UBE2H: variants seen among roughly 807,000 people sequenced by gnomAD.
The protein encoded by UBE2H is ubiquitin-conjugating enzyme E2 H.
Under a neutral mutation model 29.0 loss-of-function variants are expected in UBE2H, and 3 were observed. That is an observed-to-expected ratio of 0.10 (90% confidence interval 0.05 to 0.27). UBE2H has a LOEUF of 0.27. Ranked by LOEUF, UBE2H falls within the 10% of genes least tolerant of loss-of-function variation. The pLI is 1.00. For missense variants in UBE2H, 68 were observed against 228.2 expected, an observed-to-expected ratio of 0.30 and a Z score of 4.52; for synonymous variants, 69 against 82.9, an observed-to-expected ratio of 0.83 and a Z score of 0.91.
intron 1 of UBE2H, among the ~76,000 whole-genome samples, chr7:129,891,133 CA>C (rs200458594): frequency 1.6e-4 from 24 of 146,062 alleles, no homozygotes; most frequent in Admixed American, 2.0e-4. Context: ...AAGACTCTCT[CA>C]AAAAAAAAAA....
intron 1 of UBE2H, among the ~76,000 whole-genome samples, chr7:129,943,488 C>T (rs1807688831): frequency 6.6e-6 from 1 of 152,206 alleles, no homozygotes; most frequent in South Asian, 2.1e-4. Flanking sequence ...AGCTAGAAAT[C>T]AATGCTTTAG....
At chr7:129,855,989 A>C (rs1356583940) in intron 5 of UBE2H, among the ~76,000 whole-genome samples, 1 of 152,180 alleles carries the variant, frequency 6.6e-6, no homozygotes, top group Non-Finnish European at 1.5e-5. Flanking sequence ...AGTAGCTGGG[A>C]AAGGAAACTG....
intron 1 of UBE2H, among the ~76,000 whole-genome samples, chr7:129,902,446 A>G (rs542299988): frequency 6.6e-6 from 1 of 152,348 alleles, no homozygotes; most frequent in East Asian, 1.9e-4. Flanking sequence ...GGTTGCAGTG[A>G]GCCGAGATGC....
chr7:129,947,210 T>C (rs1184880951), intron 1 of UBE2H, among the ~76,000 whole-genome samples: 1 of 152,242 alleles, frequency 6.6e-6, no homozygotes, highest in African/African-American at 2.4e-5. Context: ...CTGTGAATGC[T>C]TACTCATGTA....
rs537471039 is a variant in UBE2H at position 129,849,531 on chromosome 7, T to C, written c.298+7980A>G. On this transcript the variant is annotated intron_variant, in intron 5 of 6. Transcript: ENST00000355621. ...AGGCAGAGGTTGCAGTGAGCCAAGA[T>C]TGCACCACTGCACTCCAGCCTGAGT... 9.9e-5 allele frequency among the ~76,000 whole-genome samples: 15 copies of C among 152,140 alleles called. No homozygotes were observed. In the South Asian group the frequency reaches 1.2e-3, roughly 13 times the overall value.
chr7:129,902,669 T>A (rs921822505), intron 1 of UBE2H, among the ~76,000 whole-genome samples: 19 of 152,166 alleles, frequency 1.2e-4, no homozygotes, highest in African/African-American at 4.3e-4. Context: ...ATGAACACAC[T>A]GGACCCCAGT....
intron 1 of UBE2H, among the ~76,000 whole-genome samples, chr7:129,939,836 G>A (rs1343249425): frequency 6.6e-6 from 1 of 152,008 alleles, no homozygotes; most frequent in Non-Finnish European, 1.5e-5. Flanking sequence ...GCGCGTGCCT[G>A]TAATCCCAGC....
At chr7:129,855,124 T>C (rs998948091) in intron 5 of UBE2H, among the ~76,000 whole-genome samples, 4 of 152,248 alleles carry the variant, frequency 2.6e-5, no homozygotes, top group African/African-American at 9.6e-5. Flanking sequence ...TATTAAAAAC[T>C]ACTGAATTAC....
In UBE2H at chr7:129,835,004, C is replaced by T; in HGVS notation, c.485G>A (p.Gly162Glu). 5.0e-6 allele frequency: 8 copies of T among 1,614,064 alleles called. No individual in the cohort carries two copies. The highest frequency in any genetic ancestry group is 6.8e-6 in the Non-Finnish European group (8 of 1,180,020). The change falls in exon 7 of 7, where the codon GGG becomes GAG. Residue 162 changes from glycine to glutamate, a missense_variant. By Grantham distance (98) the Gly-to-Glu change is moderately conservative. Transcript: ENST00000355621. ...EALKEQEEGT[G>E]DSSSESSMSD... ...CATAGAGCTCTCCGATGAGCTGTCC[C>T]CGGTACCCTCTTCCTGTTCTTTCAG... is the stretch of plus-strand genomic sequence containing the variant.
At chr7:129,881,073 G>A in intron 1 of UBE2H, 102 bp from the exon 2 acceptor site, 1 of 922,862 alleles carries the variant, frequency 1.1e-6, no homozygotes, top group Non-Finnish European at 1.6e-6. Context: ...CCAAAATTTG[G>A]CATGACATTG....
At chr7:129,862,818 C>G (rs903510729) in intron 3 of UBE2H, among the ~76,000 whole-genome samples, 1 of 152,104 alleles carries the variant, frequency 6.6e-6, no homozygotes, top group Admixed American at 6.6e-5. Context: ...GATGGGGGGG[C>G]CACTGAGACT....
At chr7:129,839,641 AC>A in intron 5 of UBE2H, 3 of 277,308 alleles carry the variant, frequency 1.1e-5, no homozygotes, top group South Asian at 1.0e-4. Flanking sequence ...AGCTTACAAA[AC>A]CCCCCACTCT....
chr7:129,859,007 G>GAAATTGTTTCCAGTACT, intron 3 of UBE2H, 66 bp from the exon 4 acceptor site: 1 of 1,338,146 alleles, frequency 7.5e-7, no homozygotes, highest in Non-Finnish European at 1.1e-6. Flanking sequence ...TTTCAGTACT[G>GAAATTGTTTCCAGTACT]GAAACAATTT....
chr7:129,836,961 T>C (rs1019974209), intron 6 of UBE2H, among the ~76,000 whole-genome samples: 1 of 147,202 alleles, frequency 6.8e-6, no homozygotes, highest in Non-Finnish European at 1.5e-5. Flanking sequence ...GAGCCCTGAA[T>C]GGCAGGCAAA....
intron 1 of UBE2H, 141 bp downstream of exon 1, chr7:129,952,362 C>A: frequency 9.7e-7 from 1 of 1,029,780 alleles, no homozygotes; most frequent in South Asian, 2.2e-5. Flanking sequence ...GCCAAGGAGC[C>A]GCCGTAGGCA....
chr7:129,872,845 C>CAAAAAAAAAAAAAAAAAAAA (rs34001143), intron 3 of UBE2H, among the ~76,000 whole-genome samples: 1 of 71,992 alleles, frequency 1.4e-5, no homozygotes, highest in East Asian at 5.3e-4. Flanking sequence ...CACTCCGTCT[C>CAAAAAAAAAAAAAAAAAAAA]AAAAAAAAAA....
At chr7:129,842,774 G>A (rs1805449166) in intron 5 of UBE2H, among the ~76,000 whole-genome samples, 1 of 151,768 alleles carries the variant, frequency 6.6e-6, no homozygotes, top group Non-Finnish European at 1.5e-5. Flanking sequence ...GTGGTGGCAG[G>A]TGCCTGTAAT....
intron 1 of UBE2H, among the ~76,000 whole-genome samples, chr7:129,913,252 C>CAAAAA (rs59869623): frequency 1.3e-5 from 1 of 75,544 alleles, no homozygotes; most frequent in Non-Finnish European, 2.8e-5. Context: ...AACTCCGTCT[C>CAAAAA]AAAAAAAAAA....
At chr7:129,857,614 G>T in intron 4 of UBE2H, 51 bp from the exon 5 acceptor site, 1 of 1,575,460 alleles carries the variant, frequency 6.3e-7, no homozygotes, top group Non-Finnish European at 8.6e-7. Flanking sequence ...AAAGTTAGTT[G>T]CATGTATCTG....
Sources: gnomAD v4.1 joint callset for allele counts (sites outside exome capture counted in the v4.1 genomes callset) on GRCh38, gnomAD v4.1.1 for gene constraint, MANE v1.5 for transcripts, NCBI Gene and HGNC (gene_info 2026-07-23, HGNC 2026-07-21) for gene names.